DLG2: variants seen among roughly 807,000 people sequenced by gnomAD.
DLG2 encodes the protein disks large homolog 2.
DLG2 carries 45 observed loss-of-function variants against 132.5 expected under a neutral mutation model. The observed-to-expected ratio is 0.34, with a 90% CI of 0.27 to 0.44. The LOEUF is 0.44. Ranked by LOEUF, DLG2 falls within the 20% of genes least tolerant of loss-of-function variation. The pLI is 1.00. For synonymous variants in DLG2, 424 were observed against 419.6 expected (o/e 1.01, Z -0.13); for missense variants, 1,045 against 1,196.9 (o/e 0.87, Z 1.87).
At chr11:85,172,725 T>C (rs75575353) in intron 4 of DLG2, among the ~76,000 whole-genome samples, 8,032 of 152,182 alleles carry the variant, frequency 0.053, 310 homozygotes, top group African/African-American at 0.098. Context: ...GTAAGAATCA[T>C]GATGAAACAA....
chr11:84,792,820 A>C (rs935945758), intron 6 of DLG2, among the ~76,000 whole-genome samples: 1 of 151,952 alleles, frequency 6.6e-6, no homozygotes, highest in African/African-American at 2.4e-5. Context: ...TTTTGCTCTT[A>C]GTCTGGATAA....
chr11:84,140,410 T>A (rs1222467239), intron 9 of DLG2, among the ~76,000 whole-genome samples: 1 of 152,146 alleles, frequency 6.6e-6, no homozygotes, highest in Non-Finnish European at 1.5e-5. Context: ...AAAACAATAA[T>A]GCTGCATGCA....
intron 7 of DLG2, among the ~76,000 whole-genome samples, chr11:84,515,229 A>G (rs1591332577): frequency 6.6e-6 from 1 of 151,200 alleles, no homozygotes. Context: ...ATATAAATAG[A>G]TTAAATTATC....
chr11:83,595,286 T>C (rs2057382054), intron 19 of DLG2, among the ~76,000 whole-genome samples: 1 of 152,218 alleles, frequency 6.6e-6, no homozygotes. Context: ...CTAGATAATG[T>C]ATTAAGTCTT....
At chr11:83,503,552 C>A (rs1005241239) in intron 21 of DLG2, among the ~76,000 whole-genome samples, 1 of 151,388 alleles carries the variant, frequency 6.6e-6, no homozygotes, top group African/African-American at 2.4e-5. Flanking sequence ...CAGTCCAAGT[C>A]CCAAAACTGA....
intron 6 of DLG2, among the ~76,000 whole-genome samples, chr11:84,996,955 G>T (rs2057711787): frequency 6.6e-6 from 1 of 152,130 alleles, no homozygotes; most frequent in African/African-American, 2.4e-5. Flanking sequence ...TTCTAAAAAG[G>T]AGCAAGAAGT....
chr11:84,058,504 T>TAAAATAATAATAATAATA (rs372631929), intron 11 of DLG2, among the ~76,000 whole-genome samples: 3 of 122,982 alleles, frequency 2.4e-5, no homozygotes, highest in African/African-American at 7.9e-5. Flanking sequence ...AAAAAACAAA[T>TAAAATAATAATAATAATA]ACAATAATAA....
At chr11:84,802,967 T>A (rs1354621781) in intron 6 of DLG2, among the ~76,000 whole-genome samples, 1 of 152,028 alleles carries the variant, frequency 6.6e-6, no homozygotes, top group South Asian at 2.1e-4. Context: ...ACCTGGCTAA[T>A]TTTTTGTATT....
chr11:84,951,575 G>A (rs2050920177), intron 6 of DLG2, among the ~76,000 whole-genome samples: 2 of 149,966 alleles, frequency 1.3e-5, no homozygotes, highest in South Asian at 4.2e-4. Flanking sequence ...ATATGTACAT[G>A]GCTTTAATAC....
At chr11:84,731,006 G>A (rs1387871611) in intron 6 of DLG2, among the ~76,000 whole-genome samples, 1 of 152,006 alleles carries the variant, frequency 6.6e-6, no homozygotes, top group Non-Finnish European at 1.5e-5. Context: ...TTTAAGTACA[G>A]CCCACCTAGA....
chr11:83,729,560 T>G (rs945913672), intron 18 of DLG2, among the ~76,000 whole-genome samples: 1 of 152,192 alleles, frequency 6.6e-6, no homozygotes, highest in Middle Eastern at 3.2e-3. Context: ...CAAAATGGAC[T>G]ATAAATCACA....
intron 6 of DLG2, among the ~76,000 whole-genome samples, chr11:84,839,062 T>G (rs1160576578): frequency 9.2e-5 from 14 of 152,138 alleles, no homozygotes; most frequent in Admixed American, 9.2e-4. Context: ...TGTCCCTGTT[T>G]GCAGATGACA....
intron 6 of DLG2, among the ~76,000 whole-genome samples, chr11:85,041,007 C>T (rs2061815993): frequency 6.6e-6 from 1 of 151,844 alleles, no homozygotes; most frequent in African/African-American, 2.4e-5. Context: ...TATTGCCTCT[C>T]AACTTCATGA....
chr11:83,626,387 T>G (rs1362796740), intron 19 of DLG2, among the ~76,000 whole-genome samples: 1 of 152,202 alleles, frequency 6.6e-6, no homozygotes, highest in East Asian at 1.9e-4. Context: ...TGTGGTCTTA[T>G]TCATCACTGT....
At chr11:83,827,592 T>A (rs972748901) in intron 17 of DLG2, among the ~76,000 whole-genome samples, 2 of 152,174 alleles carry the variant, frequency 1.3e-5, no homozygotes, top group East Asian at 3.8e-4. Flanking sequence ...TTAAAGTCCA[T>A]ATCAAGAATG....
chr11:84,077,319 T>C (rs2096842549), intron 10 of DLG2, among the ~76,000 whole-genome samples: 1 of 152,206 alleles, frequency 6.6e-6, no homozygotes, highest in African/African-American at 2.4e-5. Context: ...TCCTACTAAA[T>C]TCACCAGTAA....
chr11:83,674,767 G>A (rs1566472516), intron 18 of DLG2, among the ~76,000 whole-genome samples: 1 of 152,178 alleles, frequency 6.6e-6, no homozygotes, highest in Non-Finnish European at 1.5e-5. Flanking sequence ...CTCATGCCTG[G>A]ATGCAGGTTT....
chr11:83,906,265 A>T (rs1044608463), intron 15 of DLG2, among the ~76,000 whole-genome samples: 12,281 of 49,774 alleles, frequency 0.25, 635 homozygotes, highest in African/African-American at 0.3. Context: ...TCTCACACAC[A>T]CACACACACA....
chr11:85,520,041 A>ATTT (rs112483358), intron 3 of DLG2, among the ~76,000 whole-genome samples: 5,282 of 147,310 alleles, frequency 0.036, 134 homozygotes, highest in Admixed American at 0.054. Flanking sequence ...CACCTGGCTA[A>ATTT]TTTTTTTTTT....
Sources: gnomAD v4.1 joint callset for allele counts (sites outside exome capture counted in the v4.1 genomes callset) on GRCh38, gnomAD v4.1.1 for gene constraint, MANE v1.5 for transcripts, NCBI Gene and HGNC (gene_info 2026-07-23, HGNC 2026-07-21) for gene names.